The following NWD1 variants were observed in gnomAD, a reference collection of about 807,000 sequenced individuals.
NWD1 encodes the protein NACHT and WD repeat domain containing 1, also known as NACHT domain- and WD repeat-containing protein 1.
NWD1 carries 129 observed loss-of-function variants against 135.1 expected under a neutral mutation model. The observed-to-expected ratio is 0.96, with a 90% CI of 0.83 to 1.11. The LOEUF (loss-of-function observed/expected upper bound fraction) is 1.11, where lower values mean the gene tolerates loss of function less well. NWD1 is among the 50% of genes least tolerant of loss of function. NWD1 has a pLI of 0.00. For missense variants in NWD1, 1,740 were observed against 1,851.3 expected, an observed-to-expected ratio of 0.94 and a Z score of 1.10; for synonymous variants, 773 against 786.0, an observed-to-expected ratio of 0.98 and a Z score of 0.28.
Position 16,744,586 on chromosome 19 carries a change from C to T in NWD1, c.364C>T (p.Gln122Ter), listed in dbSNP as rs768264428. ...ENAFPPTYVL[Q>*]APGTGEACEP... ...TGCGTTTCCTCCCACCTACGTCCTG[C>T]AGGCACCAGGTACTGGGGAGGCCTG... The change falls in exon 5 of 19, where the codon CAG becomes TAG. Residue 122 changes from glutamine to a stop codon, truncating the protein, a stop_gained. Coordinates refer to ENST00000524140, the MANE Select transcript of NWD1 (RefSeq NM_001007525.5). LOFTEE classifies it high-confidence loss of function. 12 of 1,534,806 alleles carry T rather than the reference C, an allele frequency of 7.8e-6. No homozygotes were observed. The South Asian group carries it at 9.5e-5, about 12-fold the overall frequency.
intron 15 of NWD1, 51 bp downstream of exon 15, chr19:16,794,604 T>C (rs571711020): frequency 1.6e-6 from 2 of 1,277,730 alleles, no homozygotes; most frequent in South Asian, 1.3e-5. Flanking sequence ...CAGGATCAGG[T>C]TGGAGAAGGG....
rs532869037 is a variant in NWD1, at chr19:16,810,812, A to T, written c.4287+2676A>T. 5.9e-5 allele frequency among the ~76,000 whole-genome samples: 9 copies of T among 152,262 alleles called. No homozygotes were observed. The East Asian group carries it at 1.7e-3, about 29-fold the overall frequency. On this transcript the variant is annotated intron_variant, in intron 18 of 18. Transcript: ENST00000524140. ...AAAATGAAGAAATTAACATGTGAAC[A>T]GTACTATTAATTAAACTGTCAACCT...
intron 11 of NWD1, among the ~76,000 whole-genome samples, chr19:16,778,506 T>TTTTTTTG (rs1969740856): frequency 3.6e-5 from 5 of 140,648 alleles, no homozygotes; most frequent in African/African-American, 1.4e-4. Context: ...TTTTTTTTTT[T>TTTTTTTG]TTGTTGTTGT....
At position 16,789,054 on chromosome 19, in the gene NWD1, A is replaced by G. The variant is rs2608738; in HGVS notation, c.2804A>G (p.His935Arg). 0.073 allele frequency: 117,069 copies of G among 1,613,054 alleles called. 13,054 individuals are homozygous for G. Among genetic ancestry groups the G allele is most frequent in the African/African-American group, 0.52 (39,266 of 74,890 alleles). The change falls in exon 13 of 19, where the codon CAC becomes CGC. Residue 935 changes from histidine to arginine, a missense_variant. Physicochemically the swap from His to Arg is conservative, Grantham distance 29. Coordinates refer to ENST00000524140, the MANE Select transcript of NWD1 (RefSeq NM_001007525.5). ...TCTGCTTCAAAGGATTACACGCTGC[A>G]CTTGTGGAACTTACTCTCTGGCCAG... ...ANSASKDYTL[H>R]LWNLLSGQEK...
intron 4 of NWD1, among the ~76,000 whole-genome samples, chr19:16,738,916 TGA>T (rs1333052163): frequency 9.2e-5 from 12 of 130,462 alleles, no homozygotes; most frequent in African/African-American, 4.0e-4. Flanking sequence ...CCTTTTTCTT[TGA>T]GACAAGGTCT....
At chr19:16,738,625 T>C (rs1967937264) in intron 4 of NWD1, among the ~76,000 whole-genome samples, 1 of 141,636 alleles carries the variant, frequency 7.1e-6, no homozygotes, top group African/African-American at 2.8e-5. Context: ...TTTTCTGAGA[T>C]CTATTTTCTG....
chr19:16,741,370 T>TG (rs202035631), intron 4 of NWD1, among the ~76,000 whole-genome samples: 4 of 65,434 alleles, frequency 6.1e-5, no homozygotes, highest in Admixed American at 1.4e-4. Context: ...GTTTTTGTGT[T>TG]TTTTTTTTTT....
At chr19:16,744,780 C>T (rs544329395) in intron 5 of NWD1, 62 bp downstream of exon 5, 3 of 1,394,596 alleles carry the variant, frequency 2.2e-6, no homozygotes, top group African/African-American at 1.4e-5. Flanking sequence ...TTCAGAATAT[C>T]CATCCCCTGT....
In NWD1 at chr19:16,740,642, A is replaced by ATTTTTTTTTTT. The variant is rs1162769783; in HGVS notation, c.199-3767_199-3757dup. On this transcript the variant is annotated intron_variant, in intron 4 of 18. Coordinates refer to ENST00000524140, the MANE Select transcript of NWD1 (RefSeq NM_001007525.5). ...CGTGAGCCACTGCGCCCAGACTTCT[A>ATTTTTTTTTTT]TTTTTTTTTTTTTTTTTTTTTTGAG... 6.2e-5 allele frequency among the ~76,000 whole-genome samples: 7 copies of ATTTTTTTTTTT among 112,954 alleles called. 1 individual carries two copies. The highest frequency in any genetic ancestry group is 2.1e-4 in the African/African-American group (6 of 28,914). 74.1% of individuals were successfully genotyped at this position (112,954 alleles called of 152,430 possible). A position where few individuals can be genotyped will look rare whatever the true frequency, so the allele number is the denominator to read the frequency against.
rs1326842010 is a variant in NWD1, at chr19:16,787,889, AATAATAATAATAATAATC to A, written c.2732-1090_2732-1073del. Among the ~76,000 whole-genome samples the A allele has an allele frequency of 1.4e-4, 11 of 75,910 alleles. No individual in the cohort carries two copies. In the Admixed American group the frequency reaches 1.5e-3, roughly 11 times the overall value. The allele number at this position is 75,910 out of a possible 152,430, so 49.8% of individuals were successfully genotyped here. A position where few individuals can be genotyped will look rare whatever the true frequency, so the allele number is the denominator to read the frequency against. ...TAGTAATAATAACAATAATAATAAT[AATAATAATAATAATAATC>A]ATCATCATCATCATCATCATCATCA... On this transcript the variant is annotated intron_variant, in intron 12 of 18. Transcript: ENST00000524140.
rs978403834 is a variant in NWD1, at chr19:16,746,333, C to T, written c.496+1615C>T. 1.5e-4 allele frequency among the ~76,000 whole-genome samples: 22 copies of T among 151,034 alleles called. No homozygotes were observed. The East Asian group carries it at 4.1e-3, about 28-fold the overall frequency. On this transcript the variant is annotated intron_variant, in intron 5 of 18. Transcript: ENST00000524140. ...CAAGATTGTACCACTGTACTTCAGT[C>T]TGGGTGACAGAGTGAGACCCCGTAT... is the stretch of plus-strand genomic sequence containing the variant.
At chr19:16,801,599 C>T (rs1380311875) in intron 17 of NWD1, 1 of 152,018 alleles carries the variant, frequency 6.6e-6, no homozygotes, top group Non-Finnish European at 1.5e-5. Context: ...ATCTGTAGTC[C>T]AAGCTACTTG....
intron 14 of NWD1, among the ~76,000 whole-genome samples, chr19:16,793,061 A>T (rs202236781): frequency 5.0e-5 from 1 of 19,922 alleles, no homozygotes; most frequent in East Asian, 2.1e-3. Context: ...ATTAAAAAAT[A>T]AAAAAAAAAA....
At chr19:16,809,505 C>G (rs1970854830) in intron 18 of NWD1, among the ~76,000 whole-genome samples, 1 of 151,622 alleles carries the variant, frequency 6.6e-6, no homozygotes, top group South Asian at 2.1e-4. Flanking sequence ...GCTTCACTCT[C>G]TTCACCCTAA....
chr19:16,756,488 A>G (rs776413881), intron 6 of NWD1, among the ~76,000 whole-genome samples: 2 of 152,196 alleles, frequency 1.3e-5, no homozygotes, highest in African/African-American at 2.4e-5. Context: ...AGGGTCAACT[A>G]TATGTCTATC....
intron 4 of NWD1, among the ~76,000 whole-genome samples, chr19:16,741,439 C>T (rs543894616): frequency 1.7e-3 from 244 of 144,766 alleles, no homozygotes; most frequent in African/African-American, 6.1e-3. Flanking sequence ...CATGTCGGTT[C>T]ACTGAAACCT....
At chr19:16,805,732 T>C (rs1399793303) in intron 17 of NWD1, among the ~76,000 whole-genome samples, 1 of 152,156 alleles carries the variant, frequency 6.6e-6, no homozygotes, top group Non-Finnish European at 1.5e-5. Context: ...CCCCCAGAGC[T>C]TTGCCTAGTG....
At chr19:16,732,677 T>TAAAAAA (rs1464805489) in intron 3 of NWD1, among the ~76,000 whole-genome samples, 1,061 of 84,912 alleles carry the variant, frequency 0.012, 1 homozygote, top group Non-Finnish European at 0.015. Flanking sequence ...AAAGAAAAAG[T>TAAAAAA]GAAAAAGTGC....
Position 16,750,114 on chromosome 19 carries a change from AG to A in NWD1, c.1474del (p.Val492Ter), listed in dbSNP as rs1968512246. 6.2e-7 allele frequency: 1 copy of A among 1,613,842 alleles called. No individual in the cohort carries two copies. The highest frequency in any genetic ancestry group is 1.3e-5 in the African/African-American group (1 of 74,902). On this transcript the variant is annotated frameshift_variant, in exon 6 of 19. Coordinates refer to ENST00000524140, the MANE Select transcript of NWD1 (RefSeq NM_001007525.5). LOFTEE classifies it high-confidence loss of function. Reference protein sequence around the residue: ...RVLLDPEAYWEVKPLSGNQGQ... With the variant: ...RVLLDPEAYWXVKPLSGNQGQ... ...CTCCTGGACCCGGAGGCCTACTGGG[AG>A]GTGAAGCCCCTTTCCGGAAACCAAG...
Sources: allele counts gnomAD v4.1 joint callset (sites outside exome capture counted in the v4.1 genomes callset), GRCh38; gene constraint gnomAD v4.1.1; transcripts MANE v1.5; gene names NCBI Gene and HGNC (gene_info 2026-07-23, HGNC 2026-07-21).